The following NPY1R variants were observed in gnomAD, a reference collection of about 807,000 sequenced individuals.
The protein encoded by NPY1R is neuropeptide Y receptor type 1.
A neutral mutation model predicts 24.1 loss-of-function variants in NPY1R; 10 were observed. The observed-to-expected ratio is 0.42, with a 90% CI of 0.26 to 0.71. The LOEUF is 0.71. Among genes scored for constraint, NPY1R ranks in the 30% least tolerant of loss-of-function variants. The probability of loss-of-function intolerance (pLI) is 0.28; values close to 1 mark genes in which losing one functional copy is unlikely to be tolerated. For synonymous variants in NPY1R, 168 were observed against 165.9 expected (o/e 1.01, Z -0.10); for missense variants, 350 against 458.0 (o/e 0.76, Z 2.15).
intron 1 of NPY1R, among the ~76,000 whole-genome samples, chr4:163,326,956 A>G: frequency 6.6e-6 from 1 of 152,338 alleles, no homozygotes; most frequent in East Asian, 1.9e-4. Flanking sequence ...TAAGGAATAT[A>G]AATATTATGC....
upstream of NPY1R, among the ~76,000 whole-genome samples, chr4:163,335,356 C>G (rs1423748270): frequency 1.3e-5 from 2 of 152,184 alleles, no homozygotes; most frequent in African/African-American, 2.4e-5. Context: ...TTCTGTAAAT[C>G]TAAGTTTTGT....
chr4:163,333,846 T>G (rs868477674), upstream of NPY1R, among the ~76,000 whole-genome samples: 3 of 152,224 alleles, frequency 2.0e-5, no homozygotes, highest in Non-Finnish European at 4.4e-5. Context: ...CATATTTTTA[T>G]ATAGTTGGAA....
upstream of NPY1R, among the ~76,000 whole-genome samples, chr4:163,334,586 G>C (rs570670445): frequency 5.8e-4 from 88 of 152,286 alleles, no homozygotes; most frequent in South Asian, 5.2e-3. Flanking sequence ...CAGTGGCTGG[G>C]GGCGGTGGCT....
At chr4:163,338,558 A>G (rs1247083730) in intron 1 of NPY1R, among the ~76,000 whole-genome samples, 1 of 152,014 alleles carries the variant, frequency 6.6e-6, no homozygotes, top group Non-Finnish European at 1.5e-5. Flanking sequence ...TGTCTCTAGA[A>G]GTTCTCTTGC....
intron 1 of NPY1R, among the ~76,000 whole-genome samples, chr4:163,340,326 A>G (rs919950789): frequency 6.6e-5 from 10 of 151,778 alleles, no homozygotes; most frequent in African/African-American, 2.2e-4. Flanking sequence ...ATATATATAT[A>G]TTTGTGCTGC....
At chr4:163,334,496 A>C (rs1207768863), upstream of NPY1R, among the ~76,000 whole-genome samples, 1 of 152,246 alleles carries the variant, frequency 6.6e-6, no homozygotes, top group African/African-American at 2.4e-5. Flanking sequence ...GTCAGATACC[A>C]ATCTTTGAAA....
Position 163,326,464 on chromosome 4 carries a change from C to T in NPY1R, c.91G>A (p.Asp31Asn), listed in dbSNP as rs367697778. Residue 31 changes from aspartate (D) to asparagine (N), a missense_variant, in exon 2 of 3, where the codon GAT becomes AAT. Asp to Asn is a conservative substitution (Grantham distance 23). Coordinates refer to ENST00000296533, the MANE Select transcript of NPY1R (RefSeq NM_000909.6). The stretch of plus-strand genomic sequence containing the variant: ...ATGGCCAAGGGCAGATGACAATCAT[C>T]ATTTTCAAAAGCCAGAAGCTGGGCA... Reference protein sequence around the residue: ...KNAQLLAFENDDCHLPLAMIF... With the variant: ...KNAQLLAFENNDCHLPLAMIF... 2 of 1,613,854 alleles carry T rather than the reference C, an allele frequency of 1.2e-6. No individual in the cohort carries two copies. The highest frequency in any genetic ancestry group is 1.7e-6 in the Non-Finnish European group (2 of 1,179,778).
intron 1 of NPY1R, among the ~76,000 whole-genome samples, chr4:163,330,413 T>C (rs559918499): frequency 1.3e-5 from 2 of 152,362 alleles, no homozygotes; most frequent in African/African-American, 4.8e-5. Context: ...TTTTACTAAG[T>C]GCACATTTGA....
chr4:163,331,525 CTCT>C (rs1734727375), intron 1 of NPY1R, among the ~76,000 whole-genome samples: 13 of 151,894 alleles, frequency 8.6e-5, no homozygotes, highest in African/African-American at 1.5e-4. Context: ...CTCTCTCTCT[CTCT>C]CATCAAAAAA....
intron 1 of NPY1R, among the ~76,000 whole-genome samples, chr4:163,329,824 A>T (rs918529034): frequency 3.2e-4 from 35 of 109,868 alleles, no homozygotes; most frequent in Non-Finnish European, 2.4e-4. Flanking sequence ...TAGCAATAAG[A>T]AGTAGGATAA....
At chr4:163,334,969 A>T (rs11947842), upstream of NPY1R, among the ~76,000 whole-genome samples, 10,916 of 152,136 alleles carry the variant, frequency 0.072, 848 homozygotes, top group East Asian at 0.34. Flanking sequence ...GAAATTAGAC[A>T]TGGTCCAATG....
chr4:163,330,377 AT>A (rs1352660639), intron 1 of NPY1R, among the ~76,000 whole-genome samples: 4 of 152,236 alleles, frequency 2.6e-5, no homozygotes, highest in Non-Finnish European at 4.4e-5. Flanking sequence ...TGAAAAGTTT[AT>A]TTTTTTAAGG....
chr4:163,329,487 G>C (rs1486774647), intron 1 of NPY1R, among the ~76,000 whole-genome samples: 29 of 152,004 alleles, frequency 1.9e-4, no homozygotes, highest in Admixed American at 1.9e-3. Flanking sequence ...TGTAGTCCCA[G>C]CTACTCGGGA....
chr4:163,342,820 T>G (rs1229735157), intron 1 of NPY1R, among the ~76,000 whole-genome samples: 1 of 152,206 alleles, frequency 6.6e-6, no homozygotes, highest in East Asian at 1.9e-4. Context: ...CACACGACTC[T>G]ACTCAGCAGG....
chr4:163,337,134 G>C (rs1270621662), upstream of NPY1R, among the ~76,000 whole-genome samples: 1 of 152,050 alleles, frequency 6.6e-6, no homozygotes, highest in Non-Finnish European at 1.5e-5. Flanking sequence ...CCTTTCCCCA[G>C]ATACAAATAC....
At chr4:163,327,259 T>C (rs541814232) in intron 1 of NPY1R, among the ~76,000 whole-genome samples, 5 of 152,236 alleles carry the variant, frequency 3.3e-5, no homozygotes, top group Admixed American at 3.3e-4. Flanking sequence ...ATCAAAAAAC[T>C]TTGCCATGAA....
chr4:163,325,774 G>C lies in NPY1R; in HGVS notation c.700-16C>G, dbSNP rs764345759. Reference sequence around the variant, plus strand: ...GTATATATATCTATGGAAGAAAAAAGTTTAAATAGAAACACTCATTTGATG... The same window carrying C: ...GTATATATATCTATGGAAGAAAAAACTTTAAATAGAAACACTCATTTGATG... On this transcript the variant is annotated splice_polypyrimidine_tract_variant and intron_variant, in intron 2 of 2. Transcript: ENST00000296533. 2.2e-5 allele frequency: 35 copies of C among 1,569,324 alleles called. No individual in the cohort carries two copies. The highest frequency in any genetic ancestry group is 2.6e-6 in the Non-Finnish European group (3 of 1,152,028).
upstream of NPY1R, among the ~76,000 whole-genome samples, chr4:163,337,109 G>A (rs1734856709): frequency 1.3e-5 from 2 of 152,064 alleles, no homozygotes; most frequent in African/African-American, 4.8e-5. Flanking sequence ...TTTGTTTAAG[G>A]TCTAGCTATT....
intron 1 of NPY1R, among the ~76,000 whole-genome samples, chr4:163,341,099 T>TG (rs1233025076): frequency 6.6e-6 from 1 of 151,522 alleles, no homozygotes; most frequent in Non-Finnish European, 1.5e-5. Flanking sequence ...GTTTTTTTTT[T>TG]GTTCAAAAAA....
Sources: allele counts gnomAD v4.1 joint callset (sites outside exome capture counted in the v4.1 genomes callset), GRCh38; gene constraint gnomAD v4.1.1; transcripts MANE v1.5; gene names NCBI Gene and HGNC (gene_info 2026-07-23, HGNC 2026-07-21).